The following RUNX2 variants were observed in gnomAD, a reference collection of about 807,000 sequenced individuals.
RUNX2 encodes RUNX family transcription factor 2.
A neutral mutation model predicts 51.7 loss-of-function variants in RUNX2; 10 were observed. That is an observed-to-expected ratio of 0.19 (90% CI 0.12 to 0.33). RUNX2 has a LOEUF of 0.33. RUNX2 is among the 10% of genes least tolerant of loss of function. The pLI, the probability that RUNX2 is intolerant of heterozygous loss-of-function variation, is 1.00. For synonymous variants in RUNX2, 276 were observed against 273.6 expected (o/e 1.01, Z -0.09); for missense variants, 562 against 691.3 (o/e 0.81, Z 2.10).
chr6:45,355,020 G>A (rs1042819547), intron 2 of RUNX2, among the ~76,000 whole-genome samples: 4 of 152,032 alleles, frequency 2.6e-5, no homozygotes, highest in African/African-American at 9.7e-5. Flanking sequence ...TGTCACCCAG[G>A]CTAAAGTGCA....
intron 5 of RUNX2, among the ~76,000 whole-genome samples, chr6:45,491,016 A>G (rs978240145): frequency 9.2e-5 from 14 of 152,164 alleles, no homozygotes; most frequent in Admixed American, 7.9e-4. Flanking sequence ...CCAAGACACT[A>G]GTATGTCTTT....
chr6:45,430,060 C>G (rs914290550), intron 3 of RUNX2, among the ~76,000 whole-genome samples: 2 of 150,934 alleles, frequency 1.3e-5, no homozygotes, highest in African/African-American at 2.4e-5. Flanking sequence ...TGCCACTGCA[C>G]TCTAGCCTGG....
Position 45,486,456 on chromosome 6 carries a change from T to C in RUNX2, c.686-5485T>C, listed in dbSNP as rs546863416. On this transcript the variant is annotated intron_variant, in intron 5 of 8. Transcript: ENST00000647337. ...ATTGATGCTCTATTACAGATCTTCTTTTAAACTTTATTTTATTTAAAAATT... is the reference window on the plus strand; with the variant it reads ...ATTGATGCTCTATTACAGATCTTCTCTTAAACTTTATTTTATTTAAAAATT... 5.3e-5 allele frequency among the ~76,000 whole-genome samples: 8 copies of C among 152,360 alleles called. No individual in the cohort carries two copies. The East Asian group carries it at 1.3e-3, about 26-fold the overall frequency.
chr6:45,414,017 C>T (rs143248354), intron 2 of RUNX2, among the ~76,000 whole-genome samples: 2 of 152,222 alleles, frequency 1.3e-5, no homozygotes, highest in Admixed American at 1.3e-4. Flanking sequence ...CCAATAAATA[C>T]ATGATAAACA....
At chr6:45,545,682 T>C (rs1301937711) in intron 8 of RUNX2, among the ~76,000 whole-genome samples, 1 of 152,202 alleles carries the variant, frequency 6.6e-6, no homozygotes, top group African/African-American at 2.4e-5. Context: ...CAAAATATTT[T>C]AGAAGGGAAC....
intron 3 of RUNX2, among the ~76,000 whole-genome samples, chr6:45,424,284 A>C (rs1357438541): frequency 1.3e-5 from 2 of 152,172 alleles, no homozygotes; most frequent in African/African-American, 2.4e-5. Context: ...AGCCCTCTAC[A>C]GGGGGGAGAC....
chr6:45,392,134 A>G (rs1322435543), intron 2 of RUNX2, among the ~76,000 whole-genome samples: 1 of 152,204 alleles, frequency 6.6e-6, no homozygotes, highest in Non-Finnish European at 1.5e-5. Context: ...TACGTAATAC[A>G]TAATACCTGC....
At chr6:45,342,212 T>C (rs946304569) in intron 2 of RUNX2, among the ~76,000 whole-genome samples, 1 of 152,070 alleles carries the variant, frequency 6.6e-6, no homozygotes, top group African/African-American at 2.4e-5. Flanking sequence ...TCTTTGTCAC[T>C]ACAGTTGTGC....
intron 2 of RUNX2, among the ~76,000 whole-genome samples, chr6:45,372,652 C>A (rs574815447): frequency 2.0e-5 from 3 of 152,232 alleles, no homozygotes; most frequent in Non-Finnish European, 4.4e-5. Context: ...ATACCATACA[C>A]CAAACAGAGT....
Position 45,473,431 on chromosome 6 carries a change from TG to T in RUNX2, c.686-18508del, listed in dbSNP as rs1281668977. On this transcript the variant is annotated intron_variant, in intron 5 of 8. Transcript: ENST00000647337. ...ATAAGTTGTTACTTAACTTGGAAGA[TG>T]GACACATCTCTCTCCTTTTCTTTGA... is the stretch of plus-strand genomic sequence containing the variant. 6.3e-3 allele frequency among the ~76,000 whole-genome samples: 963 copies of T among 152,352 alleles called. 8 individuals are homozygous for T. Among genetic ancestry groups the T allele is most frequent in the African/African-American group, 0.022 (901 of 41,588 alleles).
chr6:45,415,794 T>A (rs1198119863), intron 2 of RUNX2, among the ~76,000 whole-genome samples: 1 of 152,108 alleles, frequency 6.6e-6, no homozygotes, highest in Non-Finnish European at 1.5e-5. Flanking sequence ...GAGAAATATT[T>A]AATGGATCCG....
intron 5 of RUNX2, among the ~76,000 whole-genome samples, chr6:45,489,619 A>C (rs1219127979): frequency 1.3e-5 from 2 of 152,218 alleles, no homozygotes; most frequent in African/African-American, 2.4e-5. Context: ...TAAGAAAAAT[A>C]ACTTCCAGGG....
At chr6:45,389,551 A>G (rs1797425411) in intron 2 of RUNX2, among the ~76,000 whole-genome samples, 1 of 152,252 alleles carries the variant, frequency 6.6e-6, no homozygotes, top group South Asian at 2.1e-4. Flanking sequence ...TTCTCCAATT[A>G]CTTACAATTA....
rs140208591 is a variant in RUNX2, at chr6:45,444,314, G to A, written c.685+6263G>A. Among the ~76,000 whole-genome samples, 31 of 152,362 alleles carry A rather than the reference G, an allele frequency of 2.0e-4. 1 individual carries two copies. The South Asian group carries it at 5.2e-3, about 25-fold the overall frequency. Reference sequence around the variant, plus strand: ...TTACTCTCAAGGAGAGACCAAAGCTGTGAATTGTGTACTTCCTGCCAGGGC... The same window carrying A: ...TTACTCTCAAGGAGAGACCAAAGCTATGAATTGTGTACTTCCTGCCAGGGC... On this transcript the variant is annotated intron_variant, in intron 5 of 8. Transcript: ENST00000647337.
chr6:45,541,302 G>A (rs954270941), intron 7 of RUNX2, among the ~76,000 whole-genome samples: 1 of 152,154 alleles, frequency 6.6e-6, no homozygotes, highest in African/African-American at 2.4e-5. Context: ...AATTCAATAA[G>A]GGAGTGAGTA....
At chr6:45,403,615 C>T (rs1311977953) in intron 2 of RUNX2, among the ~76,000 whole-genome samples, 1 of 152,150 alleles carries the variant, frequency 6.6e-6, no homozygotes, top group Admixed American at 6.5e-5. Flanking sequence ...AACTAGACCA[C>T]CTCTGCCACT....
chr6:45,410,685 C>T (rs892939785), intron 2 of RUNX2, among the ~76,000 whole-genome samples: 52 of 152,078 alleles, frequency 3.4e-4, no homozygotes, highest in African/African-American at 1.1e-3. Flanking sequence ...ATAGTTCCTA[C>T]GGTTAAGGAG....
At position 45,521,400 on chromosome 6, in the gene RUNX2, A is replaced by T. The variant is rs552748596; in HGVS notation, c.1021+8993A>T. 1.2e-3 allele frequency among the ~76,000 whole-genome samples: 177 copies of T among 152,314 alleles called. 1 individual carries two copies. Among genetic ancestry groups the T allele is most frequent in the African/African-American group, 4.1e-3 (172 of 41,554 alleles). On this transcript the variant is annotated intron_variant, in intron 7 of 8. Coordinates refer to ENST00000647337, the MANE Select transcript of RUNX2 (RefSeq NM_001024630.4). The stretch of plus-strand genomic sequence containing the variant: ...TTTCATATTTAGAACACATATCAAG[A>T]CTGTATCTGTTTCCAGAACTTGCTG...
intron 2 of RUNX2, among the ~76,000 whole-genome samples, chr6:45,411,014 T>C (rs1396737216): frequency 6.6e-6 from 1 of 152,162 alleles, no homozygotes; most frequent in Non-Finnish European, 1.5e-5. Flanking sequence ...GTAGTTTACA[T>C]GTGGTCCTGT....
Sources: gnomAD v4.1 joint callset for allele counts (sites outside exome capture counted in the v4.1 genomes callset) on GRCh38, gnomAD v4.1.1 for gene constraint, MANE v1.5 for transcripts, NCBI Gene and HGNC (gene_info 2026-07-23, HGNC 2026-07-21) for gene names.